The following NOBOX variants were observed in gnomAD, a reference collection of about 807,000 sequenced individuals.
NOBOX encodes the protein NOBOX oogenesis homeobox.
NOBOX carries 46 observed loss-of-function variants against 60.2 expected under a neutral mutation model. The ratio of observed to expected loss-of-function variants is 0.76; its 90% CI spans 0.60 to 0.98. The LOEUF is 0.98. Ranked by LOEUF, NOBOX falls within the 50% of genes least tolerant of loss-of-function variation. The pLI, the probability that NOBOX is intolerant of heterozygous loss-of-function variation, is 0.00. For missense variants in NOBOX, 880 were observed against 865.5 expected, an observed-to-expected ratio of 1.02 and a Z score of -0.21; for synonymous variants, 360 against 346.3, an observed-to-expected ratio of 1.04 and a Z score of -0.44.
At chr7:144,402,049 T>C (rs1227231230) in intron 2 of NOBOX, 11 of 853,552 alleles carry the variant, frequency 1.3e-5, no homozygotes, top group South Asian at 1.5e-5. Context: ...GCATTATTGC[T>C]TGGAGAAGGG....
At position 144,398,380 on chromosome 7, in the gene NOBOX, AAGAG is replaced by A; in HGVS notation, c.1672_1675del (p.Phe559CysfsTer24). 1.3e-6 allele frequency: 2 copies of A among 1,537,224 alleles called. No individual in the cohort carries two copies. Among genetic ancestry groups the A allele is most frequent in the Non-Finnish European group, 1.7e-6 (2 of 1,146,898 alleles). ...CCCGCTGGGGCCACAGGGAAACATA[AAGAG>A]AGAGTCTTCGGGCGGTGGAAGCGTC... On this transcript the variant is annotated frameshift_variant, in exon 9 of 10. Transcript: ENST00000467773. LOFTEE classifies it high-confidence loss of function.
intron 4 of NOBOX, among the ~76,000 whole-genome samples, chr7:144,400,779 C>G (rs2053931892): frequency 6.6e-6 from 1 of 152,188 alleles, no homozygotes; most frequent in African/African-American, 2.4e-5. Context: ...TTCAGGTAAT[C>G]CACCTGCCTC....
chr7:144,404,809 A>G (rs1431506720), intron 1 of NOBOX: 2 of 1,101,182 alleles, frequency 1.8e-6, no homozygotes, highest in East Asian at 2.4e-5. Flanking sequence ...GGTTCACGGA[A>G]TGTTTCTTAC....
chr7:144,398,237 C>T, intron 9 of NOBOX, 45 bp downstream of exon 7: 2 of 1,520,486 alleles, frequency 1.3e-6, no homozygotes, highest in Non-Finnish European at 1.8e-6. Flanking sequence ...TCCCCTCCCA[C>T]CTTCCTCAAT....
chr7:144,398,914 G>A, intron 8 of NOBOX, 36 bp downstream of exon 6: 2 of 1,211,082 alleles, frequency 1.7e-6, no homozygotes, highest in South Asian at 1.3e-5. Context: ...CCCCCACCCA[G>A]ATAACTAGAG....
At position 144,401,991 on chromosome 7, in the gene NOBOX, G is replaced by C; in HGVS notation, c.211-41C>G. Reference sequence around the variant, plus strand: ...GAAGACAAAGAGAAACAGATTGACAGAGATTCTGCTTCTCCCAAGGCGGGA... The same window carrying C: ...GAAGACAAAGAGAAACAGATTGACACAGATTCTGCTTCTCCCAAGGCGGGA... On this transcript the variant is annotated intron_variant, in intron 2 of 9. Transcript: ENST00000467773. This position sits in a 1 kb window ranked among gnomAD's most constrained non-coding sequence, Gnocchi z 4.2. The C allele has an allele frequency of 6.9e-7, 1 of 1,452,836 alleles. No homozygotes were observed. The highest frequency in any genetic ancestry group is 1.7e-5 in the Admixed American group (1 of 59,438). The allele number at this position is 1,452,836 out of a possible 1,614,324, so 90.0% of individuals were successfully genotyped here. A position where few individuals can be genotyped will look rare whatever the true frequency, so the allele number is the denominator to read the frequency against.
intron 2 of NOBOX, chr7:144,402,033 C>T: frequency 1.0e-6 from 1 of 993,504 alleles, no homozygotes; most frequent in Non-Finnish European, 1.6e-6. Context: ...TTCTGCTGCA[C>T]AACAGGCATT....
At position 144,399,055 on chromosome 7, in the gene NOBOX, A is replaced by G. The variant is rs768181748; in HGVS notation, c.1364T>C (p.Phe455Ser). The G allele has an allele frequency of 3.2e-6, 5 of 1,575,834 alleles. No homozygotes were observed. The highest frequency in any genetic ancestry group is 1.7e-4 in the Middle Eastern group (1 of 6,006). The stretch of plus-strand genomic sequence containing the variant: ...GGGGGTGTGGACAGGGCCAAGGGGG[A>G]AAGGAAGATCGGCCCTTCGCACAGG... The change falls in exon 8 of 10, where the codon TTC (phenylalanine) becomes TCC (serine). Residue 455 changes from phenylalanine to serine, a missense_variant. By Grantham distance (155) the Phe-to-Ser change is radical. Coordinates refer to ENST00000467773, the MANE Select transcript of NOBOX (RefSeq NM_001080413.3).
At position 144,398,422 on chromosome 7, in the gene NOBOX, A is replaced by G. The variant is rs2053909251; in HGVS notation, c.1634T>C (p.Met545Thr). 2.0e-6 allele frequency: 3 copies of G among 1,537,298 alleles called. No individual in the cohort carries two copies. Among genetic ancestry groups the G allele is most frequent in the Admixed American group, 2.0e-5 (1 of 51,004 alleles). ...CGGTGGAAGCGTCAGTGAACTGGGCATGGAGAAGGGGAAAGTGGGGAGGTA... is the reference window on the plus strand; with the variant it reads ...CGGTGGAAGCGTCAGTGAACTGGGCGTGGAGAAGGGGAAAGTGGGGAGGTA... The change falls in exon 9 of 10, where the codon ATG becomes ACG. Residue 545 changes from methionine to threonine, a missense_variant. Transcript: ENST00000467773.
In NOBOX at chr7:144,401,534, G is replaced by T; in HGVS notation, c.356C>A (p.Ser119Ter). ...CTGAGTGTCCTGAGCATGAGGGGCT[G>T]AGCCCCGGAGCAGTTCCTCCTCCCC... Residue 119 changes from serine (S) to a stop codon, truncating the protein, a stop_gained, in exon 4 of 10, where the codon TCA (serine) becomes TAA (stop). Transcript: ENST00000467773. LOFTEE classifies it high-confidence loss of function. The surrounding 1 kb of genome is among the most constrained non-coding windows in gnomAD (Gnocchi z 4.2). 1 of 1,516,432 alleles carries T rather than the reference G, an allele frequency of 6.6e-7. No homozygotes were observed. The allele number at this position is 1,516,432 out of a possible 1,614,324, so 93.9% of individuals were successfully genotyped here. A position where few individuals can be genotyped will look rare whatever the true frequency, so the allele number is the denominator to read the frequency against.
At position 144,399,784 on chromosome 7, in the gene NOBOX, G is replaced by C. The variant is rs775973206; in HGVS notation, c.1127C>G (p.Ala376Gly). Residue 376 changes from alanine to glycine, a missense_variant, in exon 6 of 10, where the codon GCC (alanine) becomes GGC (glycine). Ala to Gly is a moderately conservative substitution (Grantham distance 60). Transcript: ENST00000467773. The stretch of plus-strand genomic sequence containing the variant: ...GCATTGACTGCTGGCAGGGCCAGGG[G>C]CTGCAGGATTGTCCTTGCTTTCTTT... 2 of 1,612,728 alleles carry C rather than the reference G, an allele frequency of 1.2e-6. No individual in the cohort carries two copies. Among genetic ancestry groups the C allele is most frequent in the Admixed American group, 1.7e-5 (1 of 59,954 alleles).
downstream of NOBOX, chr7:144,397,226 C>G: frequency 1.3e-6 from 2 of 1,520,196 alleles, no homozygotes; most frequent in African/African-American, 2.7e-5. Context: ...TCTTTTCACT[C>G]TTTGACCCCC....
At position 144,399,882 on chromosome 7, in the gene NOBOX, T is replaced by G; in HGVS notation, c.1048-19A>C. ...ACCACACCTATGGGGGGAAAGGTGC[T>G]TGAAGAACTGGAGAAGAGGGGCAGA... On this transcript the variant is annotated intron_variant, in intron 5 of 9. Transcript: ENST00000467773. The G allele has an allele frequency of 1.3e-6, 2 of 1,588,344 alleles. No individual in the cohort carries two copies. The highest frequency in any genetic ancestry group is 1.7e-6 in the Non-Finnish European group (2 of 1,158,932).
chr7:144,399,979 T>C, intron 5 of NOBOX, 116 bp from the exon 4 acceptor site: 1 of 1,280,304 alleles, frequency 7.8e-7, no homozygotes, highest in Non-Finnish European at 1.1e-6. Context: ...GCACTCTGCT[T>C]CTGAGCCCTC....
At chr7:144,400,011 A>C in intron 5 of NOBOX, 148 bp from the exon 4 acceptor site, 1 of 1,390,568 alleles carries the variant, frequency 7.2e-7, no homozygotes, top group Non-Finnish European at 9.9e-7. Context: ...TTTTATCAAA[A>C]GTCTCTGCAG....
chr7:144,403,603 C>T lies in NOBOX; in HGVS notation c.210+953G>A, dbSNP rs556774753. ...ACCTGGTGATCACAGGCCTCCCCCC[C>T]TCCCCGAACCCCCAAAGCCTGACCC... On this transcript the variant is annotated intron_variant, in intron 2 of 9. Transcript: ENST00000467773. 148 of 684,384 alleles carry T rather than the reference C, an allele frequency of 2.2e-4. No homozygotes were observed. In the East Asian group the frequency reaches 3.1e-3, roughly 15 times the overall value. 42.4% of individuals were successfully genotyped at this position (684,384 alleles called of 1,614,324 possible).
At chr7:144,403,019 C>CA (rs971360559) in intron 2 of NOBOX, among the ~76,000 whole-genome samples, 2 of 152,076 alleles carry the variant, frequency 1.3e-5, no homozygotes, top group Non-Finnish European at 2.9e-5. Flanking sequence ...GCCCTCCCAA[C>CA]GTGCTGGGAT....
At chr7:144,397,746 A>T (rs529206944) in intron 9 of NOBOX, among the ~76,000 whole-genome samples, 2 of 152,290 alleles carry the variant, frequency 1.3e-5, no homozygotes, top group East Asian at 3.9e-4. Context: ...TGGTTTAGTA[A>T]CATTGACACA....
At chr7:144,408,347 C>T (rs1049778195) in intron 1 of NOBOX, among the ~76,000 whole-genome samples, 3 of 152,076 alleles carry the variant, frequency 2.0e-5, no homozygotes, top group Non-Finnish European at 2.9e-5. Context: ...AATTAACTGC[C>T]CCCTCCTAGG....
Sources: allele counts gnomAD v4.1 joint callset (sites outside exome capture counted in the v4.1 genomes callset), GRCh38; gene constraint gnomAD v4.1.1; non-coding constraint Gnocchi (gnomAD v3.1); transcripts MANE v1.5; gene names NCBI Gene and HGNC (gene_info 2026-07-23, HGNC 2026-07-21).